Variants in ARHGAP24 observed in about 807,000 individuals in gnomAD.
ARHGAP24 encodes the protein Rho GTPase activating protein 24, also known as rho GTPase-activating protein 24.
ARHGAP24 carries 50 observed loss-of-function variants against 76.4 expected under a neutral mutation model. That is an observed-to-expected ratio of 0.65 (90% CI 0.52 to 0.83). The LOEUF is 0.83. Ranked by LOEUF, ARHGAP24 falls within the 40% of genes least tolerant of loss-of-function variation. The pLI is 0.00. For missense variants in ARHGAP24, 930 were observed against 914.2 expected (o/e 1.02, Z -0.22); for synonymous variants, 345 against 323.3 (o/e 1.07, Z -0.72).
Position 85,603,276 on chromosome 4 carries a change from A to T in ARHGAP24, c.180+32555A>T, listed in dbSNP as rs148783380. ...GTGCTGACTATTTAGAAGCATATGGAGGTGGTTGACCACCTTGAAAATTCA... is the reference window on the plus strand; with the variant it reads ...GTGCTGACTATTTAGAAGCATATGGTGGTGGTTGACCACCTTGAAAATTCA... On this transcript the variant is annotated intron_variant, in intron 2 of 9. Transcript: ENST00000395184. 1.7e-3 allele frequency among the ~76,000 whole-genome samples: 265 copies of T among 152,278 alleles called. 3 individuals carry two copies. The highest frequency in any genetic ancestry group is 6.0e-3 in the African/African-American group (249 of 41,560).
At chr4:85,494,666 C>T (rs894239445) in intron 1 of ARHGAP24, among the ~76,000 whole-genome samples, 12 of 148,308 alleles carry the variant, frequency 8.1e-5, no homozygotes, top group African/African-American at 2.5e-4. Flanking sequence ...GGTGACAGAA[C>T]GAGACTCTGT....
chr4:85,858,023 C>A (rs2110172276), intron 3 of ARHGAP24, among the ~76,000 whole-genome samples: 1 of 152,204 alleles, frequency 6.6e-6, no homozygotes, highest in East Asian at 1.9e-4. Flanking sequence ...ACAAATATTT[C>A]TTTTAAACTT....
intron 3 of ARHGAP24, among the ~76,000 whole-genome samples, chr4:85,823,772 C>T (rs1729581186): frequency 1.3e-5 from 2 of 152,058 alleles, no homozygotes; most frequent in African/African-American, 2.4e-5. Context: ...ATTCCTTCTC[C>T]GGAGTTCACA....
intron 9 of ARHGAP24, 21 bp from the exon 10 acceptor site, chr4:86,000,458 C>CT (rs202024629): frequency 4.0e-6 from 3 of 753,366 alleles, no homozygotes; most frequent in Non-Finnish European, 6.2e-6. Flanking sequence ...CACCCCCCAC[C>CT]CCCCCCAACA....
chr4:85,665,833 G>A (rs1411837828), intron 2 of ARHGAP24, among the ~76,000 whole-genome samples: 1 of 152,168 alleles, frequency 6.6e-6, no homozygotes, highest in Non-Finnish European at 1.5e-5. Flanking sequence ...TAAGAATGTT[G>A]AATATTGGCC....
rs1560571818 is a variant in ARHGAP24, at chr4:85,655,820, G to GAGAGAGAGAGAGAA, written c.181-66052_181-66051insAAGAGAGAGAGAGA. On this transcript the variant is annotated intron_variant, in intron 2 of 9. Transcript: ENST00000395184. Reference sequence around the variant, plus strand: ...AGAGAGAGAGAGAGAGAGAGAGAAAGAGAGAGAGAGAGAGAGAGAGAGAGA... The same window carrying GAGAGAGAGAGAGAA: ...AGAGAGAGAGAGAGAGAGAGAGAAAGAGAGAGAGAGAGAAAGAGAGAGAGAGAGAGAGAGAGAGA... Among the ~76,000 whole-genome samples, 68 of 104,344 alleles carry GAGAGAGAGAGAGAA rather than the reference G, an allele frequency of 6.5e-4. 1 individual carries two copies. The highest frequency in any genetic ancestry group is 2.8e-3 in the African/African-American group (64 of 23,244). The allele number at this position is 104,344 out of a possible 152,430, so 68.5% of individuals were successfully genotyped here.
intron 3 of ARHGAP24, among the ~76,000 whole-genome samples, chr4:85,822,988 G>A (rs1729546666): frequency 6.6e-6 from 1 of 152,112 alleles, no homozygotes; most frequent in Non-Finnish European, 1.5e-5. Flanking sequence ...CTGAAAACTG[G>A]AATTTTTTCA....
chr4:85,930,480 T>A, intron 4 of ARHGAP24: 1 of 990,938 alleles, frequency 1.0e-6, no homozygotes, highest in African/African-American at 1.7e-5. Context: ...CAGGGGACTT[T>A]TTGTCATTGT....
intron 2 of ARHGAP24, among the ~76,000 whole-genome samples, chr4:85,705,142 A>G (rs1578156330): frequency 6.6e-6 from 1 of 152,232 alleles, no homozygotes; most frequent in African/African-American, 2.4e-5. Flanking sequence ...ATTATGATCT[A>G]CCATTGTCTA....
At chr4:85,637,295 T>C (rs1721342641) in intron 2 of ARHGAP24, among the ~76,000 whole-genome samples, 1 of 152,090 alleles carries the variant, frequency 6.6e-6, no homozygotes, top group Non-Finnish European at 1.5e-5. Context: ...GCCAAGGTTG[T>C]TAATAGTCCA....
intron 2 of ARHGAP24, among the ~76,000 whole-genome samples, chr4:85,573,545 A>G (rs1220466367): frequency 6.6e-6 from 1 of 152,220 alleles, no homozygotes; most frequent in Non-Finnish European, 1.5e-5. Flanking sequence ...ACTCCCATCT[A>G]TCAAAATCAT....
chr4:85,520,577 A>G (rs6814596), intron 1 of ARHGAP24, among the ~76,000 whole-genome samples: 16,907 of 152,108 alleles, frequency 0.11, 3,018 homozygotes, highest in African/African-American at 0.38. Flanking sequence ...AAATTTCCTA[A>G]CTATCTCTCT....
intron 1 of ARHGAP24, among the ~76,000 whole-genome samples, chr4:85,485,391 ATATATATATATATATATATATATC>A (rs1256652477): frequency 2.9e-4 from 31 of 105,672 alleles, no homozygotes; most frequent in African/African-American, 1.1e-3. Context: ...ATATATATAT[ATATATATATATATATATATATATC>A]TCCTTGGATT....
rs767653652 is a variant in ARHGAP24, at chr4:85,994,927, G to A, written c.1273G>A (p.Ala425Thr). 4 of 1,614,052 alleles carry A rather than the reference G, an allele frequency of 2.5e-6. No homozygotes were observed. In the South Asian group the frequency reaches 4.4e-5, roughly 18 times the overall value. Residue 425 changes from alanine to threonine, a missense_variant, in exon 9 of 10, where the codon GCC becomes ACC. By Grantham distance (58) the Ala-to-Thr change is moderately conservative (BLOSUM62 0). Transcript: ENST00000395184. ...CCCTCTCATGGTCAAAAAGAACCCA[G>A]CCTTTAATAAGGGTAGTGGGATAGT... ...SPPLMVKKNP[A>T]FNKGSGIVTN... is the part of the protein sequence containing the mutation.
At chr4:85,487,208 A>C (rs1040397781) in intron 1 of ARHGAP24, among the ~76,000 whole-genome samples, 7 of 135,664 alleles carry the variant, frequency 5.2e-5, no homozygotes, top group African/African-American at 1.6e-4. Context: ...TATTTATTTT[A>C]TATATATAAA....
chr4:85,664,098 C>A (rs980725738), intron 2 of ARHGAP24, among the ~76,000 whole-genome samples: 1 of 151,370 alleles, frequency 6.6e-6, no homozygotes, highest in Non-Finnish European at 1.5e-5. Flanking sequence ...ACCAGTTCCT[C>A]CTTGTACCTC....
intron 8 of ARHGAP24, among the ~76,000 whole-genome samples, chr4:85,980,458 T>C (rs1335684883): frequency 6.6e-6 from 1 of 152,200 alleles, no homozygotes; most frequent in Non-Finnish European, 1.5e-5. Flanking sequence ...AATCATTTGC[T>C]CTATAACTCG....
chr4:85,919,948 C>T (rs975182091), intron 3 of ARHGAP24, among the ~76,000 whole-genome samples: 1 of 152,062 alleles, frequency 6.6e-6, no homozygotes, highest in Non-Finnish European at 1.5e-5. Flanking sequence ...TTTTATTGTG[C>T]CATTTAGTTA....
At chr4:85,734,103 T>G (rs1278150711) in intron 3 of ARHGAP24, among the ~76,000 whole-genome samples, 2 of 152,136 alleles carry the variant, frequency 1.3e-5, no homozygotes, top group Non-Finnish European at 2.9e-5. Context: ...AGAACTCTAC[T>G]TATTCCTGCC....
Sources: allele counts gnomAD v4.1 joint callset (sites outside exome capture counted in the v4.1 genomes callset), GRCh38; gene constraint gnomAD v4.1.1; transcripts MANE v1.5; gene names NCBI Gene and HGNC (gene_info 2026-07-23, HGNC 2026-07-21).